Variants in PARP16 observed in about 807,000 individuals in gnomAD.
PARP16 encodes the protein poly(ADP-ribose) polymerase family member 16.
In PARP16, 31 loss-of-function variants were observed where a neutral mutation model predicts 35.0. The ratio of observed to expected loss-of-function variants is 0.88; its 90% CI spans 0.66 to 1.19. The LOEUF (loss-of-function observed/expected upper bound fraction) is 1.19, where lower values mean the gene tolerates loss of function less well. Ranked by LOEUF, PARP16 falls within the 50% of genes most tolerant of loss-of-function variation. The pLI is 0.00. For synonymous variants in PARP16, 162 were observed against 169.5 expected, an observed-to-expected ratio of 0.96 and a Z score of 0.34; for missense variants, 424 against 411.2, an observed-to-expected ratio of 1.03 and a Z score of -0.27.
At chr15:65,273,042 G>A (rs1208118303) in intron 1 of PARP16, among the ~76,000 whole-genome samples, 1 of 152,018 alleles carries the variant, frequency 6.6e-6, no homozygotes, top group Non-Finnish European at 1.5e-5. Flanking sequence ...CACTTTGGGA[G>A]GCTGAGGGGG....
chr15:65,276,540 A>AG (rs2090261359), intron 1 of PARP16, among the ~76,000 whole-genome samples: 1 of 151,976 alleles, frequency 6.6e-6, no homozygotes, highest in Non-Finnish European at 1.5e-5. Flanking sequence ...TGCCCAGCTA[A>AG]TTTTTTGTAC....
At chr15:65,284,796 C>CTACTAAT (rs1353105092) in intron 1 of PARP16, among the ~76,000 whole-genome samples, 1 of 144,164 alleles carries the variant, frequency 6.9e-6, no homozygotes, top group Non-Finnish European at 1.5e-5. Context: ...AAATCCTTGA[C>CTACTAAT]TACTAATCCA....
intron 3 of PARP16, 55 bp downstream of exon 3, chr15:65,266,507 T>G (rs1450573326): frequency 2.1e-6 from 3 of 1,459,176 alleles, no homozygotes; most frequent in Non-Finnish European, 2.9e-6. Flanking sequence ...CCCTCCCCAC[T>G]CTCCCACCTC....
At chr15:65,276,940 C>A (rs2140948573) in intron 1 of PARP16, among the ~76,000 whole-genome samples, 1 of 151,538 alleles carries the variant, frequency 6.6e-6, no homozygotes, top group East Asian at 1.9e-4. Flanking sequence ...CGAGATCACG[C>A]CACTGCACTC....
At chr15:65,232,800 A>AC (rs1410166422), downstream of PARP16, among the ~76,000 whole-genome samples, 2 of 152,078 alleles carry the variant, frequency 1.3e-5, no homozygotes, top group African/African-American at 4.8e-5. Flanking sequence ...TCACACCTGT[A>AC]ATTACAGCAC....
At chr15:65,231,110 A>C (rs1191863745), downstream of PARP16, among the ~76,000 whole-genome samples, 1 of 150,840 alleles carries the variant, frequency 6.6e-6, no homozygotes, top group Non-Finnish European at 1.5e-5. Flanking sequence ...CCAGTCTCGA[A>C]CTCCTGACAT....
At chr15:65,238,577 C>T (rs762261307) in intron 3 of PARP16, among the ~76,000 whole-genome samples, 13 of 152,214 alleles carry the variant, frequency 8.5e-5, no homozygotes, top group Admixed American at 2.0e-4. Flanking sequence ...CATTCCACTC[C>T]GCACTGCCAT....
chr15:65,233,719 G>A (rs1337142876), downstream of PARP16, among the ~76,000 whole-genome samples: 3 of 147,206 alleles, frequency 2.0e-5, no homozygotes, highest in Admixed American at 6.8e-5. Context: ...CTGGGTGACA[G>A]AGCAAGACTA....
intron 1 of PARP16, among the ~76,000 whole-genome samples, chr15:65,276,229 A>G (rs979537810): frequency 6.6e-6 from 1 of 152,092 alleles, no homozygotes; most frequent in Non-Finnish European, 1.5e-5. Context: ...ATTTAATAGG[A>G]TTCTTCCTCT....
intron 1 of PARP16, among the ~76,000 whole-genome samples, chr15:65,277,977 C>T (rs1223235369): frequency 6.6e-6 from 1 of 152,148 alleles, no homozygotes; most frequent in Non-Finnish European, 1.5e-5. Flanking sequence ...AAGGCATTTG[C>T]CAACTGGATC....
chr15:65,273,002 C>T (rs958869948), intron 1 of PARP16, among the ~76,000 whole-genome samples: 9 of 151,964 alleles, frequency 5.9e-5, no homozygotes, highest in African/African-American at 1.7e-4. Context: ...TGTGGTGGCC[C>T]GGTGTGGTGG....
Position 65,263,192 on chromosome 15 carries a change from C to G in PARP16, c.648G>C (p.Glu216Asp). The G allele has an allele frequency of 6.2e-7, 1 of 1,614,162 alleles. No individual in the cohort carries two copies. Among genetic ancestry groups the G allele is most frequent in the Non-Finnish European group, 8.5e-7 (1 of 1,180,032 alleles). Residue 216 changes from glutamate (E) to aspartate (D), a missense_variant, in exon 4 of 6, where the codon GAG becomes GAC. Transcript: ENST00000649807. Reference sequence around the variant, plus strand: ...ACTTGACGTCCGGATGGTCAATGACCTCACACACGGCCACACAGCTAAGGA... The same window carrying G: ...ACTTGACGTCCGGATGGTCAATGACGTCACACACGGCCACACAGCTAAGGA... ...GPILSCVAVC[E>D]VIDHPDVKCQ...
chr15:65,236,739 G>A (rs575274274), intron 3 of PARP16, among the ~76,000 whole-genome samples: 2 of 152,198 alleles, frequency 1.3e-5, no homozygotes, highest in Non-Finnish European at 2.9e-5. Flanking sequence ...CTGAGAGGCC[G>A]AGGTGGGCGG....
At chr15:65,270,269 G>C (rs1271086721) in intron 2 of PARP16, among the ~76,000 whole-genome samples, 1 of 152,186 alleles carries the variant, frequency 6.6e-6, no homozygotes, top group Middle Eastern at 3.2e-3. Flanking sequence ...CCAAATTATG[G>C]AATGTCTGAC....
downstream of PARP16, among the ~76,000 whole-genome samples, chr15:65,254,864 C>T (rs1194764304): frequency 6.6e-6 from 1 of 152,190 alleles, no homozygotes; most frequent in Non-Finnish European, 1.5e-5. Context: ...CACAGAACAA[C>T]TTCCCCTATT....
At position 65,266,694 on chromosome 15, in the gene PARP16, C is replaced by T. The variant is rs1279529688; in HGVS notation, c.387G>A (p.Glu129=). 1.2e-6 allele frequency: 2 copies of T among 1,614,018 alleles called. No homozygotes were observed. Among genetic ancestry groups the T allele is most frequent in the Non-Finnish European group, 1.7e-6 (2 of 1,180,002 alleles). Residue 129 remains glutamate, a synonymous_variant, in exon 3 of 6, where the codon GAG becomes GAA. Coordinates refer to ENST00000649807, the MANE Select transcript of PARP16 (RefSeq NM_001316943.2). ...ATTTGGCGTTGGCTGGGTCAAAGTA[C>T]TCAATTTCAAACAGGAAGTCCGGTG... ...VPAPDFLFEI[E]YFDPANAKFY... is the part of the protein sequence containing the mutation.
chr15:65,261,540 C>G (rs2089719677), intron 4 of PARP16, among the ~76,000 whole-genome samples: 1 of 151,554 alleles, frequency 6.6e-6, no homozygotes, highest in African/African-American at 2.4e-5. Flanking sequence ...ACTACAACCT[C>G]TGCCTCCCGG....
chr15:65,255,749 A>G (rs1423316335), downstream of PARP16, among the ~76,000 whole-genome samples: 2 of 151,204 alleles, frequency 1.3e-5, no homozygotes, highest in East Asian at 3.9e-4. Flanking sequence ...CTCAGAAAAA[A>G]AAAAAAAAAA....
At position 65,277,130 on chromosome 15, in the gene PARP16, C is replaced by T. The variant is rs1377470979; in HGVS notation, c.175-6058G>A. On this transcript the variant is annotated intron_variant, in intron 1 of 5. Transcript: ENST00000649807. ...CTCTTTGCTTAACAGTACCTCCTGCCACTAACTCCCTCCCCACCCCCAATG... is the reference window on the plus strand; with the variant it reads ...CTCTTTGCTTAACAGTACCTCCTGCTACTAACTCCCTCCCCACCCCCAATG... 2.0e-5 allele frequency among the ~76,000 whole-genome samples: 3 copies of T among 152,080 alleles called. 1 individual carries two copies. Among genetic ancestry groups the T allele is most frequent in the Non-Finnish European group, 4.4e-5 (3 of 68,026 alleles).
Sources: allele counts gnomAD v4.1 joint callset (sites outside exome capture counted in the v4.1 genomes callset), GRCh38; gene constraint gnomAD v4.1.1; transcripts MANE v1.5; gene names NCBI Gene and HGNC (gene_info 2026-07-23, HGNC 2026-07-21).